The following MAN1C1 variants were observed in gnomAD, a reference collection of about 807,000 sequenced individuals.
The protein encoded by MAN1C1 is mannosidase alpha class 1C member 1.
A neutral mutation model predicts 71.5 loss-of-function variants in MAN1C1; 49 were observed. The observed-to-expected ratio is 0.69, with a 90% CI of 0.54 to 0.87. The LOEUF (loss-of-function observed/expected upper bound fraction) is 0.87. MAN1C1 is among the 40% of genes least tolerant of loss of function. The pLI is 0.00. For synonymous variants in MAN1C1, 352 were observed against 343.7 expected (o/e 1.02, Z -0.27); for missense variants, 743 against 835.0 (o/e 0.89, Z 1.36).
chr1:25,663,162 A>C (rs984638793), intron 1 of MAN1C1, among the ~76,000 whole-genome samples: 2 of 148,112 alleles, frequency 1.4e-5, no homozygotes, highest in Admixed American at 6.8e-5. Context: ...ATGTATATAT[A>C]TTTTATTTAT....
At chr1:25,740,671 C>T (rs534941934) in intron 2 of MAN1C1, among the ~76,000 whole-genome samples, 1 of 152,160 alleles carries the variant, frequency 6.6e-6, no homozygotes, top group South Asian at 2.1e-4. Context: ...CTCCTGACCT[C>T]GTGATCCACC....
intron 6 of MAN1C1, among the ~76,000 whole-genome samples, chr1:25,762,215 C>G (rs2047371071): frequency 6.7e-6 from 1 of 148,744 alleles, no homozygotes; most frequent in Non-Finnish European, 1.5e-5. Context: ...CAGCCTCAAT[C>G]TCCTGGACTT....
At chr1:25,766,950 C>G (rs767147697) in intron 7 of MAN1C1, among the ~76,000 whole-genome samples, 2 of 151,978 alleles carry the variant, frequency 1.3e-5, no homozygotes, top group Non-Finnish European at 2.9e-5. Context: ...CGCATTGGCA[C>G]GGTCAGGAAG....
intron 2 of MAN1C1, among the ~76,000 whole-genome samples, chr1:25,736,027 C>T (rs1387922095): frequency 1.3e-5 from 2 of 152,120 alleles, no homozygotes; most frequent in Non-Finnish European, 2.9e-5. Flanking sequence ...CTAATTTCCC[C>T]AGGCAAGTAG....
intron 2 of MAN1C1, among the ~76,000 whole-genome samples, chr1:25,740,258 G>T (rs978267776): frequency 6.6e-6 from 1 of 152,148 alleles, no homozygotes; most frequent in South Asian, 2.1e-4. Flanking sequence ...AGTGGAGGCT[G>T]AAGGGACAGC....
chr1:25,699,773 G>T (rs946843368), intron 2 of MAN1C1, among the ~76,000 whole-genome samples: 1 of 152,242 alleles, frequency 6.6e-6, no homozygotes, highest in African/African-American at 2.4e-5. Context: ...GGAGACAGAG[G>T]TGCTTCATGG....
chr1:25,636,742 A>G (rs889529079), intron 1 of MAN1C1, among the ~76,000 whole-genome samples: 1 of 152,240 alleles, frequency 6.6e-6, no homozygotes, highest in Non-Finnish European at 1.5e-5. Flanking sequence ...TTAAAGTAAG[A>G]CAGGCATAAG....
chr1:25,729,412 C>T (rs1258267139), intron 2 of MAN1C1, among the ~76,000 whole-genome samples: 1 of 152,098 alleles, frequency 6.6e-6, no homozygotes, highest in African/African-American at 2.4e-5. Flanking sequence ...GCAATAAAAG[C>T]TTCCCAGGAA....
Position 25,782,142 on chromosome 1 carries a change from C to T in MAN1C1, c.1651-443C>T, listed in dbSNP as rs1346611232. Among the ~76,000 whole-genome samples, 1 of 152,056 alleles carries T rather than the reference C, an allele frequency of 6.6e-6. No homozygotes were observed. Reference sequence around the variant, plus strand: ...AATGGCTTGGCTCACTTGCCTCCAGCCCAGGGGCCATCTCTCCTGAGAATC... The same window carrying T: ...AATGGCTTGGCTCACTTGCCTCCAGTCCAGGGGCCATCTCTCCTGAGAATC... On this transcript the variant is annotated intron_variant, in intron 10 of 11. Coordinates refer to ENST00000374332, the MANE Select transcript of MAN1C1 (RefSeq NM_020379.4). This position sits in a 1 kb window ranked among gnomAD's most constrained non-coding sequence, Gnocchi z 4.4.
At chr1:25,701,306 G>C (rs894456386) in intron 2 of MAN1C1, among the ~76,000 whole-genome samples, 14 of 152,196 alleles carry the variant, frequency 9.2e-5, no homozygotes, top group African/African-American at 3.4e-4. Context: ...CTGAGAACTC[G>C]AGTTCTAGTG....
intron 1 of MAN1C1, among the ~76,000 whole-genome samples, chr1:25,672,556 C>T (rs571180956): frequency 6.6e-6 from 1 of 152,318 alleles, no homozygotes; most frequent in African/African-American, 2.4e-5. Flanking sequence ...TTTTTCACAT[C>T]TCATCACTTG....
intron 1 of MAN1C1, among the ~76,000 whole-genome samples, chr1:25,626,223 G>A (rs12407629): frequency 0.086 from 13,090 of 152,214 alleles, 1,245 homozygotes; most frequent in East Asian, 0.22. Context: ...TGAGAGTTCC[G>A]CATCCTTGCC....
At chr1:25,766,394 A>G (rs2047427276) in intron 7 of MAN1C1, among the ~76,000 whole-genome samples, 1 of 151,726 alleles carries the variant, frequency 6.6e-6, no homozygotes, top group Admixed American at 6.6e-5. Flanking sequence ...TGATAGCATT[A>G]CCACCTTGCA....
chr1:25,780,956 T>C lies in MAN1C1; in HGVS notation c.1494T>C (p.Pro498=). Residue 498 remains proline (P), a synonymous_variant, in exon 10 of 12, where the codon CCT becomes CCC. Transcript: ENST00000374332. The part of the protein sequence containing the change: ...SYARSDTKLG[P]EAFWFNSGRE... ...TTTCCCCAGACACCAAACTTGGGCC[T>C]GAGGCCTTCTGGTTTAACTCCGGCA... The C allele has an allele frequency of 6.2e-7, 1 of 1,614,094 alleles. No homozygotes were observed. Among genetic ancestry groups the C allele is most frequent in the Non-Finnish European group, 8.5e-7 (1 of 1,179,952 alleles).
chr1:25,629,507 C>T (rs1384431467), intron 1 of MAN1C1, among the ~76,000 whole-genome samples: 1 of 152,150 alleles, frequency 6.6e-6, no homozygotes, highest in Non-Finnish European at 1.5e-5. Context: ...GCGATCTTGG[C>T]TCACTGCAGC....
In MAN1C1 at chr1:25,779,073, A is replaced by G. The variant is rs1572215573; in HGVS notation, c.1477+749A>G. Among the ~76,000 whole-genome samples the G allele has an allele frequency of 2.6e-5, 4 of 152,042 alleles. No individual in the cohort carries two copies. Among genetic ancestry groups the G allele is most frequent in the Admixed American group, 2.0e-4 (3 of 15,284 alleles). ...TGCGCAAACTGCACCCCTCAGAAAAATCCCCAGCCCCCGTGTGGTCCCAGG... is the reference window on the plus strand; with the variant it reads ...TGCGCAAACTGCACCCCTCAGAAAAGTCCCCAGCCCCCGTGTGGTCCCAGG... On this transcript the variant is annotated intron_variant, in intron 9 of 11. Coordinates refer to ENST00000374332, the MANE Select transcript of MAN1C1 (RefSeq NM_020379.4). This position sits in a 1 kb window ranked among gnomAD's most constrained non-coding sequence, Gnocchi z 4.6.
Position 25,782,544 on chromosome 1 carries a change from C to G in MAN1C1, c.1651-41C>G, listed in dbSNP as rs768458001. 5.0e-6 allele frequency: 7 copies of G among 1,399,450 alleles called. No individual in the cohort carries two copies. Among genetic ancestry groups the G allele is most frequent in the Non-Finnish European group, 5.1e-6 (5 of 984,838 alleles). 86.7% of individuals were successfully genotyped at this position (1,399,450 alleles called of 1,614,324 possible). ...AAGTCTTGAGGGGCCTTTCCTGTCC[C>G]GTGTTAAGGCTGTTTTCCTCCTCCT... On this transcript the variant is annotated intron_variant, in intron 10 of 11. Transcript: ENST00000374332. The surrounding 1 kb of genome is among the most constrained non-coding windows in gnomAD (Gnocchi z 4.4).
chr1:25,660,356 G>A (rs547711804), intron 1 of MAN1C1, among the ~76,000 whole-genome samples: 71 of 150,824 alleles, frequency 4.7e-4, no homozygotes, highest in South Asian at 1.5e-3. Context: ...AGCTGAGATC[G>A]CGCCATTGCA....
At chr1:25,651,628 T>G (rs186225188) in intron 1 of MAN1C1, among the ~76,000 whole-genome samples, 1 of 152,334 alleles carries the variant, frequency 6.6e-6, no homozygotes, top group Admixed American at 6.5e-5. Context: ...AGTGCTGCCT[T>G]CCTCTGCCCT....
Sources: allele counts gnomAD v4.1 joint callset (sites outside exome capture counted in the v4.1 genomes callset), GRCh38; gene constraint gnomAD v4.1.1; non-coding constraint Gnocchi (gnomAD v3.1); transcripts MANE v1.5; gene names NCBI Gene and HGNC (gene_info 2026-07-23, HGNC 2026-07-21).